The following ITM2C variants were observed in gnomAD, a reference collection of about 807,000 sequenced individuals.
The protein encoded by ITM2C is integral membrane protein 2C.
ITM2C carries 20 observed loss-of-function variants against 30.0 expected under a neutral mutation model. That is an observed-to-expected ratio of 0.67 (90% confidence interval 0.47 to 0.97). The LOEUF (loss-of-function observed/expected upper bound fraction) is 0.97, where lower values mean the gene tolerates loss of function less well. Ranked by LOEUF, ITM2C falls within the 50% of genes least tolerant of loss-of-function variation. The pLI is 0.00. For missense variants in ITM2C, 366 were observed against 371.9 expected, an observed-to-expected ratio of 0.98 and a Z score of 0.13; for synonymous variants, 167 against 156.4, an observed-to-expected ratio of 1.07 and a Z score of -0.51.
Position 230,877,326 on chromosome 2 carries a change from G to T in ITM2C, c.562-74G>T. The stretch of plus-strand genomic sequence containing the variant: ...AGGGGCCTCTGGAGGAGGGAGGTGG[G>T]CTGGCATTTCGGGCGAGGGGTTGGA... On this transcript the variant is annotated intron_variant, in intron 4 of 5. Transcript: ENST00000326427. This position sits in a 1 kb window ranked among gnomAD's most constrained non-coding sequence, Gnocchi z 4.8. The T allele has an allele frequency of 2.0e-6, 3 of 1,500,002 alleles. No homozygotes were observed. Among genetic ancestry groups the T allele is most frequent in the Non-Finnish European group, 2.8e-6 (3 of 1,089,704 alleles). 92.9% of individuals were successfully genotyped at this position (1,500,002 alleles called of 1,614,324 possible). A position where few individuals can be genotyped will look rare whatever the true frequency, so the allele number is the denominator to read the frequency against.
chr2:230,870,564 G>T (rs937669425), intron 1 of ITM2C, among the ~76,000 whole-genome samples: 13 of 152,298 alleles, frequency 8.5e-5, no homozygotes, highest in African/African-American at 3.1e-4. Flanking sequence ...TCACAGTGAG[G>T]GGTCTTGGCA....
In ITM2C at chr2:230,878,127, G is replaced by C. The variant is rs371063039; in HGVS notation, c.*28G>C. Reference sequence around the variant, plus strand: ...CCCTCCTCCCCCAGAACCCCCTGCCGTGTTCCTCTTTTCTTCTTTCCGGCT... The same window carrying C: ...CCCTCCTCCCCCAGAACCCCCTGCCCTGTTCCTCTTTTCTTCTTTCCGGCT... On this transcript the variant is annotated 3_prime_UTR_variant, in exon 6 of 6. Transcript: ENST00000326427. This position sits in a 1 kb window ranked among gnomAD's most constrained non-coding sequence, Gnocchi z 4.5. 8 of 1,498,382 alleles carry C rather than the reference G, an allele frequency of 5.3e-6. No homozygotes were observed. The Admixed American group carries it at 1.4e-4, about 27-fold the overall frequency. The allele number at this position is 1,498,382 out of a possible 1,614,324, so 92.8% of individuals were successfully genotyped here.
At position 230,879,186 on chromosome 2, in the gene ITM2C, A is replaced by G. The variant is rs1690031346; in HGVS notation, c.*1087A>G. 6.6e-6 allele frequency: 1 copy of G among 152,494 alleles called. No homozygotes were observed. The highest frequency in any genetic ancestry group is 1.5e-5 in the Non-Finnish European group (1 of 68,008). 9.4% of individuals were successfully genotyped at this position (152,494 alleles called of 1,614,324 possible). A position where few individuals can be genotyped will look rare whatever the true frequency, so the allele number is the denominator to read the frequency against. ...GATGAAACTCTTAAATGCTTTGTAT[A>G]TTTTCTCAATTAGATCTCTTTTCAG... On this transcript the variant is annotated 3_prime_UTR_variant, in exon 6 of 6. Coordinates refer to ENST00000326427, the MANE Select transcript of ITM2C (RefSeq NM_030926.6).
chr2:230,872,002 C>G (rs1046796949), intron 1 of ITM2C, among the ~76,000 whole-genome samples: 10 of 152,368 alleles, frequency 6.6e-5, no homozygotes, highest in South Asian at 6.2e-4. Context: ...AACCACCCCC[C>G]TCCAGGGGGA....
rs73096774 is a variant in ITM2C at position 230,876,098 on chromosome 2, C to T, written c.450+290C>T. Among the ~76,000 whole-genome samples the T allele has an allele frequency of 0.074, 11,274 of 152,184 alleles. 606 individuals are homozygous for T. Among genetic ancestry groups the T allele is most frequent in the African/African-American group, 0.14 (6,013 of 41,476 alleles). ...AGTACATTCACCATCGAGTGCATTG[C>T]GTGTACAGCTCAGCGGGTCTCTGCA... On this transcript the variant is annotated intron_variant, in intron 3 of 5. Coordinates refer to ENST00000326427, the MANE Select transcript of ITM2C (RefSeq NM_030926.6).
chr2:230,868,079 C>T (rs899114312), intron 1 of ITM2C, among the ~76,000 whole-genome samples: 13 of 151,962 alleles, frequency 8.6e-5, no homozygotes, highest in East Asian at 3.9e-4. Flanking sequence ...AGAGTGAGGG[C>T]GGGGTGGGGG....
In ITM2C at chr2:230,876,896, T is replaced by C; in HGVS notation, c.490T>C (p.Tyr164His). 1 of 1,614,080 alleles carries C rather than the reference T, an allele frequency of 6.2e-7. No homozygotes were observed. The highest frequency in any genetic ancestry group is 8.5e-7 in the Non-Finnish European group (1 of 1,179,948). ...AYHDISLDKC[Y>H]VIELNTTIVL... ...CCATGATATCTCCCTGGACAAGTGC[T>C]ATGTCATCGAACTCAACACCACCAT... Residue 164 changes from tyrosine to histidine, a missense_variant, in exon 4 of 6, where the codon TAT becomes CAT. Physicochemically the swap from Tyr to His is moderately conservative, Grantham distance 83. Transcript: ENST00000326427.
upstream of ITM2C, chr2:230,864,701 T>TGAGC (rs1207614939): frequency 1.1e-4 from 14 of 124,778 alleles, no homozygotes; most frequent in East Asian, 1.1e-3. The surrounding 1 kb of genome is among the most constrained non-coding windows in gnomAD (Gnocchi z 4.3). Flanking sequence ...AATGAATGAG[T>TGAGC]GAGCGAGTGA....
At chr2:230,869,810 C>G (rs1173157969) in intron 1 of ITM2C, among the ~76,000 whole-genome samples, 1 of 152,154 alleles carries the variant, frequency 6.6e-6, no homozygotes, top group Non-Finnish European at 1.5e-5. Flanking sequence ...CCCTGTGGGT[C>G]TCAGTTTAAG....
At chr2:230,864,723 A>T, upstream of ITM2C, 1 of 171,412 alleles carries the variant, frequency 5.8e-6, no homozygotes. The surrounding 1 kb of genome is among the most constrained non-coding windows in gnomAD (Gnocchi z 4.3). Context: ...TGAGTGAGTG[A>T]GTGAGCGAGC....
rs551628894 is a variant in ITM2C, at chr2:230,877,303, G to C, written c.562-97G>C. 2.8e-4 allele frequency: 362 copies of C among 1,286,256 alleles called. 4 individuals carry two copies. The South Asian group carries it at 4.4e-3, about 16-fold the overall frequency. The allele number at this position is 1,286,256 out of a possible 1,614,324, so 79.7% of individuals were successfully genotyped here. ...GAGGACATCAGAAGGGCCAGCCCAG[G>C]GGCCTCTGGAGGAGGGAGGTGGGCT... On this transcript the variant is annotated intron_variant, in intron 4 of 5. Coordinates refer to ENST00000326427, the MANE Select transcript of ITM2C (RefSeq NM_030926.6). This position sits in a 1 kb window ranked among gnomAD's most constrained non-coding sequence, Gnocchi z 4.8.
At chr2:230,875,468 C>A in intron 2 of ITM2C, 152 bp from the exon 3 acceptor site, 1 of 622,924 alleles carries the variant, frequency 1.6e-6, no homozygotes, top group South Asian at 2.3e-5. Context: ...GTCTCAGTTT[C>A]TCCATCTGCG....
At chr2:230,864,462 G>A (rs1451329024), upstream of ITM2C, among the ~76,000 whole-genome samples, 1 of 152,168 alleles carries the variant, frequency 6.6e-6, no homozygotes, top group Admixed American at 6.5e-5. The surrounding 1 kb of genome is among the most constrained non-coding windows in gnomAD (Gnocchi z 4.3). Context: ...TCCTCCCCGC[G>A]CCAAGGACAG....
At position 230,865,226 on chromosome 2, in the gene ITM2C, G is replaced by A. The variant is rs1394930694; in HGVS notation, c.120+81G>A. On this transcript the variant is annotated intron_variant, in intron 1 of 5. Transcript: ENST00000326427. The surrounding 1 kb of genome is among the most constrained non-coding windows in gnomAD (Gnocchi z 6.8). ...GCGCGCCCCGTCGGCCCTGGGGACT[G>A]CCCGAGGCGCGTCAGGGCCCCAGAG... 7.9e-7 allele frequency: 1 copy of A among 1,271,408 alleles called. No homozygotes were observed. The highest frequency in any genetic ancestry group is 1.0e-6 in the Non-Finnish European group (1 of 1,000,600). 78.8% of individuals were successfully genotyped at this position (1,271,408 alleles called of 1,614,324 possible).
intron 1 of ITM2C, among the ~76,000 whole-genome samples, chr2:230,869,977 C>G (rs1239688666): frequency 6.6e-6 from 1 of 152,256 alleles, no homozygotes; most frequent in African/African-American, 2.4e-5. Flanking sequence ...TCAGTAACTG[C>G]TTCCTATGGG....
chr2:230,876,713 C>T (rs961223071), intron 3 of ITM2C, 144 bp from the exon 4 acceptor site: 36 of 592,368 alleles, frequency 6.1e-5, no homozygotes, highest in Non-Finnish European at 9.2e-5. Flanking sequence ...GATCTCCTGA[C>T]CTTTGATCCG....
At position 230,865,494 on chromosome 2, in the gene ITM2C, C is replaced by T. The variant is rs371256504; in HGVS notation, c.120+349C>T. The T allele has an allele frequency of 5.2e-6, 1 of 191,432 alleles. No homozygotes were observed. Among genetic ancestry groups the T allele is most frequent in the Non-Finnish European group, 1.1e-5 (1 of 94,518 alleles). 11.9% of individuals were successfully genotyped at this position (191,432 alleles called of 1,614,324 possible). ...CGAGGAATGTTGGTGGGGGGGTACG[C>T]GTCTGGTTCCAATCAACTGGGAAAG... On this transcript the variant is annotated intron_variant, in intron 1 of 5. Transcript: ENST00000326427. The surrounding 1 kb of genome is among the most constrained non-coding windows in gnomAD (Gnocchi z 6.8).
intron 1 of ITM2C, among the ~76,000 whole-genome samples, chr2:230,867,992 A>AGCACTC (rs1031602678): frequency 1.3e-5 from 2 of 151,996 alleles, no homozygotes; most frequent in African/African-American, 4.8e-5. Flanking sequence ...CCGCAGGAGG[A>AGCACTC]GCACTCGGTG....
intron 1 of ITM2C, among the ~76,000 whole-genome samples, chr2:230,870,687 G>C (rs974302057): frequency 1.3e-5 from 2 of 152,062 alleles, no homozygotes; most frequent in Non-Finnish European, 2.9e-5. Flanking sequence ...TGGGGCCTCC[G>C]AGCCCAGCCC....
Sources: allele counts gnomAD v4.1 joint callset (sites outside exome capture counted in the v4.1 genomes callset), GRCh38; gene constraint gnomAD v4.1.1; non-coding constraint Gnocchi (gnomAD v3.1); transcripts MANE v1.5; gene names NCBI Gene and HGNC (gene_info 2026-07-23, HGNC 2026-07-21).